Variants in GPRC5D observed in about 807,000 individuals in gnomAD.
The protein encoded by GPRC5D is G protein-coupled receptor class C group 5 member D, also known as G protein-coupled receptor family C group 5 member D.
GPRC5D carries 20 observed loss-of-function variants against 29.3 expected under a neutral mutation model. That is an observed-to-expected ratio of 0.68 (90% CI 0.48 to 0.99). GPRC5D has a LOEUF of 0.99. GPRC5D is among the 50% of genes least tolerant of loss of function. GPRC5D has a pLI of 0.00. For synonymous variants in GPRC5D, 178 were observed against 171.3 expected, an observed-to-expected ratio of 1.04 and a Z score of -0.30; for missense variants, 384 against 423.6, an observed-to-expected ratio of 0.91 and a Z score of 0.82.
intron 1 of GPRC5D, among the ~76,000 whole-genome samples, chr12:12,944,973 CTTTTTCTCTCTCTCTCTT>C (rs1565477696): frequency 4.5e-4 from 63 of 141,104 alleles, no homozygotes; most frequent in Admixed American, 2.6e-3. Flanking sequence ...CTTTCCTTTT[CTTTTTCTCTCTCTCTCTT>C]TCTCTCTCTC....
At chr12:12,942,782 A>G (rs900727753) in intron 1 of GPRC5D, among the ~76,000 whole-genome samples, 4 of 152,150 alleles carry the variant, frequency 2.6e-5, no homozygotes, top group African/African-American at 4.8e-5. Context: ...TTATTGAAAA[A>G]CTTTATGATT....
upstream of GPRC5D, chr12:12,950,418 T>G: frequency 7.0e-7 from 1 of 1,430,474 alleles, no homozygotes; most frequent in East Asian, 2.3e-5. Context: ...ACCAGAATGG[T>G]TTTCTGATGC....
intron 1 of GPRC5D, chr12:12,947,223 A>G (rs1202227191): frequency 1.3e-5 from 2 of 152,228 alleles, no homozygotes; most frequent in Admixed American, 6.5e-5. Flanking sequence ...TTGAGCAAAC[A>G]AAAGCAAAGA....
rs138250506 is a variant in GPRC5D, at chr12:12,950,114, C to T, written c.271G>A (p.Val91Ile). 66 of 1,613,902 alleles carry T rather than the reference C, an allele frequency of 4.1e-5. No homozygotes were observed. The highest frequency in any genetic ancestry group is 1.6e-4 in the East Asian group (7 of 44,874). Residue 91 changes from valine (V) to isoleucine (I), a missense_variant, in exon 1 of 3, where the codon GTA becomes ATA. Transcript: ENST00000228887. The stretch of plus-strand genomic sequence containing the variant: ...AGAACCCCAAAGAGAAAGTAGCGTA[C>T]GGGGGCAGTTTGTTGATTGAGCTCG...
chr12:12,944,850 C>CTTCCTTCCTTCCTTCCTTCTTTCTTTCT (rs1565477444), intron 1 of GPRC5D, among the ~76,000 whole-genome samples: 1 of 34,442 alleles, frequency 2.9e-5, no homozygotes, highest in Non-Finnish European at 5.8e-5. Context: ...TCCTTCCTTC[C>CTTCCTTCCTTCCTTCCTTCTTTCTTTCT]TTCTTTCTTT....
At chr12:12,941,727 T>C (rs549780355) in intron 2 of GPRC5D, among the ~76,000 whole-genome samples, 1 of 152,332 alleles carries the variant, frequency 6.6e-6, no homozygotes, top group East Asian at 1.9e-4. Flanking sequence ...GTGCTCCCTC[T>C]GTTTTTGCCT....
intron 1 of GPRC5D, among the ~76,000 whole-genome samples, chr12:12,945,007 C>G (rs1863274920): frequency 7.0e-6 from 1 of 143,774 alleles, no homozygotes; most frequent in Admixed American, 7.2e-5. Context: ...CTCTCTTTCT[C>G]TTTCTCTCTT....
At chr12:12,949,863 C>G in exon 1 of GPRC5D, 2 of 1,614,124 alleles carry the variant, frequency 1.2e-6, no homozygotes, top group South Asian at 1.1e-5. Flanking sequence ...GGACATAGAC[C>G]AGGAGTACAA....
At chr12:12,941,469 C>A (rs1863144760) in intron 2 of GPRC5D, among the ~76,000 whole-genome samples, 1 of 152,106 alleles carries the variant, frequency 6.6e-6, no homozygotes, top group South Asian at 2.1e-4. Flanking sequence ...ATAGTTATGG[C>A]CTGGTCCATG....
At position 12,949,826 on chromosome 12, in the gene GPRC5D, C is replaced by T. The variant is rs151293943; in HGVS notation, c.559G>A (p.Val187Ile). Residue 187 changes from valine (V) to isoleucine (I), a missense_variant, in exon 1 of 3, where the codon GTC becomes ATC. Physicochemically the swap from Val to Ile is conservative, Grantham distance 29. Coordinates refer to ENST00000228887, the Ensembl canonical transcript of GPRC5D. The stretch of plus-strand genomic sequence containing the variant: ...GGGCCACAGAAGGTGGCTTTGGAGA[C>T]GAAGAATGTGAGGGCCATCAGGAAG... The T allele has an allele frequency of 2.6e-5, 42 of 1,614,044 alleles. No homozygotes were observed. The highest frequency in any genetic ancestry group is 4.0e-5 in the African/African-American group (3 of 75,004).
chr12:12,941,268 A>T (rs534507482), intron 2 of GPRC5D, among the ~76,000 whole-genome samples: 1 of 152,334 alleles, frequency 6.6e-6, no homozygotes, highest in Non-Finnish European at 1.5e-5. Flanking sequence ...TGTCAATAAC[A>T]AAAGAAGAAA....
intron 1 of GPRC5D, among the ~76,000 whole-genome samples, chr12:12,944,850 C>CTTCTTTCTTTCTTTCTTTCTTTCT (rs57581481): frequency 1.2e-4 from 4 of 34,476 alleles, no homozygotes; most frequent in Admixed American, 3.8e-4. Flanking sequence ...TCCTTCCTTC[C>CTTCTTTCTTTCTTTCTTTCTTTCT]TTCTTTCTTT....
chr12:12,944,838 C>CT (rs1491506394), intron 1 of GPRC5D, among the ~76,000 whole-genome samples: 5 of 20,724 alleles, frequency 2.4e-4, no homozygotes, highest in African/African-American at 3.8e-4. Flanking sequence ...TCCTTCCTTC[C>CT]TTCCTTCCTT....
intron 1 of GPRC5D, among the ~76,000 whole-genome samples, chr12:12,942,643 G>A (rs2136490214): frequency 6.6e-6 from 1 of 152,300 alleles, no homozygotes; most frequent in South Asian, 2.1e-4. Flanking sequence ...GTGGAGGCAG[G>A]AGAATTTCTT....
At chr12:12,945,152 C>T (rs1863281916) in intron 1 of GPRC5D, among the ~76,000 whole-genome samples, 1 of 151,378 alleles carries the variant, frequency 6.6e-6, no homozygotes, top group South Asian at 2.1e-4. Flanking sequence ...TACGGGTGCC[C>T]GACACCACGC....
rs749096153 is a variant in GPRC5D at position 12,942,309 on chromosome 12, A to C, written c.915T>G (p.Ala305=). 22 of 1,613,010 alleles carry C rather than the reference A, an allele frequency of 1.4e-5. No individual in the cohort carries two copies. The South Asian group carries it at 2.3e-4, about 17-fold the overall frequency. ...ATGAAGTTAATGCTACATCCTCCTC[A>C]GCTCCATCACTGTCTCGGGCTGAAA... Residue 305 remains alanine (A), a synonymous_variant, in exon 2 of 3, where the codon GCT becomes GCG. Transcript: ENST00000228887.
At chr12:12,944,817 C>CTTT (rs1863242763) in intron 1 of GPRC5D, among the ~76,000 whole-genome samples, 2 of 7,542 alleles carry the variant, frequency 2.7e-4, no homozygotes, top group African/African-American at 4.2e-4. Flanking sequence ...TTCCTTCCTT[C>CTTT]CTTCCTTCCT....
chr12:12,946,039 G>T (rs1443773281), intron 1 of GPRC5D, among the ~76,000 whole-genome samples: 1 of 152,156 alleles, frequency 6.6e-6, no homozygotes, highest in Non-Finnish European at 1.5e-5. Context: ...ATCCACTTCG[G>T]AGGAATAAAG....
intron 1 of GPRC5D, among the ~76,000 whole-genome samples, chr12:12,946,351 TTC>T (rs1269912412): frequency 2.0e-5 from 3 of 150,644 alleles, no homozygotes; most frequent in African/African-American, 4.9e-5. Flanking sequence ...CTTTCTTTCT[TTC>T]TTTCTTTCTT....
Sources: gnomAD v4.1 joint callset for allele counts (sites outside exome capture counted in the v4.1 genomes callset) on GRCh38, gnomAD v4.1.1 for gene constraint, MANE v1.5 for transcripts, NCBI Gene and HGNC (gene_info 2026-07-23, HGNC 2026-07-21) for gene names.